SLC25A13: variants seen among roughly 807,000 people sequenced by gnomAD.
SLC25A13 encodes the protein solute carrier family 25 member 13, also known as electrogenic aspartate/glutamate antiporter SLC25A13, mitochondrial.
Under a neutral mutation model 85.5 loss-of-function variants are expected in SLC25A13, and 70 were observed. The ratio of observed to expected loss-of-function variants is 0.82; its 90% confidence interval spans 0.68 to 1.00. The LOEUF (loss-of-function observed/expected upper bound fraction) is 1.00, where lower values mean the gene tolerates loss of function less well. Among genes scored for constraint, SLC25A13 ranks in the 50% least tolerant of loss-of-function variants. The pLI, the probability that SLC25A13 is intolerant of heterozygous loss-of-function variation, is 0.00. For missense variants in SLC25A13, 765 were observed against 819.8 expected (o/e 0.93, Z 0.82); for synonymous variants, 259 against 288.7 (o/e 0.90, Z 1.04).
intron 3 of SLC25A13, among the ~76,000 whole-genome samples, chr7:96,243,331 G>T (rs1457912611): frequency 6.6e-6 from 1 of 152,118 alleles, no homozygotes; most frequent in East Asian, 1.9e-4. Flanking sequence ...GATAAGCCAT[G>T]CCCCAGGCAC....
intron 15 of SLC25A13, among the ~76,000 whole-genome samples, chr7:96,123,596 C>G (rs7800612): frequency 6.6e-6 from 1 of 152,050 alleles, no homozygotes; most frequent in Admixed American, 6.6e-5. Context: ...GGAGTTGTGG[C>G]GAATGCTAGA....
intron 13 of SLC25A13, among the ~76,000 whole-genome samples, chr7:96,149,724 G>T (rs2116493398): frequency 6.6e-6 from 1 of 152,306 alleles, no homozygotes; most frequent in African/African-American, 2.4e-5. Context: ...ACCAAGAGAA[G>T]ATGCTTATCA....
intron 4 of SLC25A13, among the ~76,000 whole-genome samples, chr7:96,220,721 C>G (rs1796092692): frequency 6.6e-6 from 1 of 152,090 alleles, no homozygotes. Context: ...CACCTTCTTT[C>G]CTACTCACAA....
intron 5 of SLC25A13, among the ~76,000 whole-genome samples, chr7:96,203,084 C>T (rs899324518): frequency 5.9e-5 from 9 of 152,314 alleles, no homozygotes; most frequent in Middle Eastern, 3.4e-3. Flanking sequence ...ATTAGATTTA[C>T]CACACAATAG....
chr7:96,287,306 T>A (rs1798927526), intron 2 of SLC25A13, among the ~76,000 whole-genome samples: 1 of 152,226 alleles, frequency 6.6e-6, no homozygotes, highest in Non-Finnish European at 1.5e-5. Context: ...AACTGCTGAC[T>A]GCTGTTTTCT....
intron 2 of SLC25A13, among the ~76,000 whole-genome samples, chr7:96,289,653 G>GTA (rs1799037280): frequency 6.6e-6 from 1 of 152,166 alleles, no homozygotes; most frequent in South Asian, 2.1e-4. Context: ...GGAAGAAAGG[G>GTA]TATCAGTGAT....
In SLC25A13 at chr7:96,231,723, C is replaced by CA. The variant is rs545369060; in HGVS notation, c.328+3078dup. Among the ~76,000 whole-genome samples, 609 of 107,078 alleles carry CA rather than the reference C, an allele frequency of 5.7e-3. 5 individuals are homozygous for CA. The highest frequency in any genetic ancestry group is 0.016 in the African/African-American group (455 of 28,256). 70.2% of individuals were successfully genotyped at this position (107,078 alleles called of 152,430 possible). On this transcript the variant is annotated intron_variant, in intron 4 of 17. Transcript: ENST00000265631. The stretch of plus-strand genomic sequence containing the variant: ...TGGGTGACAGAGTGAGACTCTGTCT[C>CA]AAAAAAAAAAAAGAAAAGAAAAAAG...
At chr7:96,160,503 C>T (rs768421325) in intron 13 of SLC25A13, among the ~76,000 whole-genome samples, 6 of 152,174 alleles carry the variant, frequency 3.9e-5, no homozygotes, top group Non-Finnish European at 7.4e-5. Flanking sequence ...ATCACAGTGC[C>T]GGCACAGTTG....
chr7:96,243,866 G>A (rs1052094866), intron 3 of SLC25A13, among the ~76,000 whole-genome samples: 7 of 152,064 alleles, frequency 4.6e-5, no homozygotes, highest in Non-Finnish European at 8.8e-5. Context: ...GGGAGGTGCC[G>A]GGCATAAAAG....
chr7:96,237,169 A>C (rs957743112), intron 3 of SLC25A13, among the ~76,000 whole-genome samples: 1 of 152,190 alleles, frequency 6.6e-6, no homozygotes, highest in Non-Finnish European at 1.5e-5. Context: ...AGAAAGTCAA[A>C]CTTGAGTGTG....
intron 13 of SLC25A13, among the ~76,000 whole-genome samples, chr7:96,153,596 T>TA (rs1793134637): frequency 2.0e-5 from 3 of 152,136 alleles, no homozygotes; most frequent in African/African-American, 7.3e-5. Context: ...GGTTCTCTAT[T>TA]AAGAGTCACT....
intron 4 of SLC25A13, among the ~76,000 whole-genome samples, chr7:96,216,264 T>C (rs1407649295): frequency 6.6e-6 from 1 of 152,048 alleles, no homozygotes; most frequent in Admixed American, 6.5e-5. Context: ...GCTGGTGAGG[T>C]TGCAGAGAAA....
chr7:96,195,953 C>T (rs1427403512), intron 5 of SLC25A13, among the ~76,000 whole-genome samples: 1 of 152,186 alleles, frequency 6.6e-6, no homozygotes, highest in Non-Finnish European at 1.5e-5. Context: ...TTTACACCTA[C>T]CTTACCAAGG....
chr7:96,256,658 A>G (rs1235220742), intron 3 of SLC25A13, among the ~76,000 whole-genome samples: 1 of 152,174 alleles, frequency 6.6e-6, no homozygotes, highest in Non-Finnish European at 1.5e-5. Flanking sequence ...TAGACAGATC[A>G]AAGAGACAGA....
At chr7:96,305,875 G>A (rs909410113) in intron 1 of SLC25A13, among the ~76,000 whole-genome samples, 6 of 152,146 alleles carry the variant, frequency 3.9e-5, no homozygotes, top group African/African-American at 9.7e-5. Context: ...ACTGAAGCAC[G>A]TCAAGAACCA....
rs151278494 is a variant in SLC25A13 at position 96,196,857 on chromosome 7, G to A, written c.469-3674C>T. On this transcript the variant is annotated intron_variant, in intron 5 of 17. Transcript: ENST00000265631. ...TTATGTCGTGACTGTTTCTCCTTCC[G>A]GGTGAAGAAATGAAACCATGACCTC... 3.2e-3 allele frequency among the ~76,000 whole-genome samples: 490 copies of A among 152,262 alleles called. 3 individuals carry two copies. The highest frequency in any genetic ancestry group is 0.011 in the African/African-American group (467 of 41,538).
At chr7:96,184,675 A>G (rs1435878184) in intron 10 of SLC25A13, 8 of 629,092 alleles carry the variant, frequency 1.3e-5, no homozygotes, top group African/African-American at 3.7e-5. Context: ...CTACAGCCCA[A>G]CCTCATTAGT....
intron 3 of SLC25A13, among the ~76,000 whole-genome samples, chr7:96,255,065 T>G (rs1452516708): frequency 6.6e-6 from 1 of 152,216 alleles, no homozygotes; most frequent in African/African-American, 2.4e-5. Context: ...CACACAGAAT[T>G]AAATGAATTC....
At chr7:96,277,888 C>A (rs192420253) in intron 2 of SLC25A13, among the ~76,000 whole-genome samples, 24 of 151,784 alleles carry the variant, frequency 1.6e-4, no homozygotes, top group Non-Finnish European at 3.2e-4. Context: ...ATCAATGATA[C>A]AAGAAAGGAT....
Sources: gnomAD v4.1 joint callset for allele counts (sites outside exome capture counted in the v4.1 genomes callset) on GRCh38, gnomAD v4.1.1 for gene constraint, MANE v1.5 for transcripts, NCBI Gene and HGNC (gene_info 2026-07-23, HGNC 2026-07-21) for gene names.